Variants in CLIP2 observed in about 807,000 individuals in gnomAD.
CLIP2 encodes CAP-Gly domain containing linker protein 2, also known as CAP-Gly domain-containing linker protein 2.
Under a neutral mutation model 111.7 loss-of-function variants are expected in CLIP2, and 41 were observed. The ratio of observed to expected loss-of-function variants is 0.37; its 90% CI spans 0.29 to 0.48. The LOEUF (loss-of-function observed/expected upper bound fraction) is 0.48, where lower values mean the gene tolerates loss of function less well. Ranked by LOEUF, CLIP2 falls within the 20% of genes least tolerant of loss-of-function variation. The pLI is 0.99. For synonymous variants in CLIP2, 660 were observed against 644.2 expected, an observed-to-expected ratio of 1.02 and a Z score of -0.37; for missense variants, 1,160 against 1,422.1, an observed-to-expected ratio of 0.82 and a Z score of 2.96.
chr7:74,314,179 CAAAAAAA>C (rs35306275), intron 1 of CLIP2, among the ~76,000 whole-genome samples: 42 of 123,130 alleles, frequency 3.4e-4, no homozygotes, highest in African/African-American at 1.3e-3. Flanking sequence ...GACTCTGTCT[CAAAAAAA>C]AAAAAAAAAA....
At chr7:74,349,863 C>A (rs111356061) in intron 3 of CLIP2, among the ~76,000 whole-genome samples, 100 of 151,866 alleles carry the variant, frequency 6.6e-4, no homozygotes, top group African/African-American at 2.2e-3. Flanking sequence ...GATCCACCTG[C>A]GTCGGCCTCC....
chr7:74,341,177 TTTTG>T (rs749867023), intron 3 of CLIP2, among the ~76,000 whole-genome samples: 13 of 151,636 alleles, frequency 8.6e-5, no homozygotes, highest in African/African-American at 1.5e-4. Flanking sequence ...TCAGGGAAGT[TTTTG>T]TTTGTTTGTT....
intron 8 of CLIP2, among the ~76,000 whole-genome samples, chr7:74,367,241 A>T (rs534877616): frequency 5.3e-5 from 8 of 151,664 alleles, no homozygotes; most frequent in African/African-American, 1.9e-4. Flanking sequence ...CCCAGGCTGG[A>T]GTGCAGTGGC....
At chr7:74,400,339 A>G in intron 14 of CLIP2, 31 bp from the exon 15 acceptor site, 2 of 1,574,496 alleles carry the variant, frequency 1.3e-6, no homozygotes, top group South Asian at 1.2e-5. Context: ...ACGCACACTC[A>G]TGTACTCTTC....
At position 74,314,818 on chromosome 7, in the gene CLIP2, G is replaced by A. The variant is rs528699079; in HGVS notation, c.-67-2662G>A. Among the ~76,000 whole-genome samples the A allele has an allele frequency of 5.9e-5, 9 of 152,308 alleles. No homozygotes were observed. The South Asian group carries it at 1.9e-3, about 32-fold the overall frequency. ...TATAGGATAGTGGGGAAGAGGCCTG[G>A]GGGTGGGGGGCTTGTCCACCCCTCC... On this transcript the variant is annotated intron_variant, in intron 1 of 16. Coordinates refer to ENST00000223398, the MANE Select transcript of CLIP2 (RefSeq NM_003388.5).
At chr7:74,396,951 C>T (rs976632841) in intron 13 of CLIP2, 123 bp from the exon 14 acceptor site, 1 of 1,234,774 alleles carries the variant, frequency 8.1e-7, no homozygotes, top group Non-Finnish European at 1.1e-6. Context: ...GGCACAGATG[C>T]CATCTAGTAG....
intron 12 of CLIP2, 91 bp downstream of exon 12, chr7:74,386,695 T>G: frequency 2.0e-6 from 2 of 987,400 alleles, no homozygotes; most frequent in Admixed American, 3.0e-5. Flanking sequence ...GGTCAGGGCC[T>G]GGCTTAGGGT....
At chr7:74,386,179 C>A (rs1791093285) in intron 11 of CLIP2, among the ~76,000 whole-genome samples, 1 of 151,988 alleles carries the variant, frequency 6.6e-6, no homozygotes, top group East Asian at 1.9e-4. Context: ...TCCCGAGTAG[C>A]TGGGATTACA....
intron 7 of CLIP2, among the ~76,000 whole-genome samples, chr7:74,362,566 C>T (rs1483700580): frequency 3.2e-5 from 4 of 126,120 alleles, no homozygotes; most frequent in African/African-American, 3.1e-5. Context: ...GACAGAGTCT[C>T]GCTCTGTCAC....
At chr7:74,401,883 T>C (rs1791630038) in intron 16 of CLIP2, among the ~76,000 whole-genome samples, 1 of 151,982 alleles carries the variant, frequency 6.6e-6, no homozygotes, top group Non-Finnish European at 1.5e-5. Context: ...CTGGCCAATA[T>C]GGTAAAACTC....
At chr7:74,386,945 C>T (rs1473661298) in intron 12 of CLIP2, among the ~76,000 whole-genome samples, 2 of 150,626 alleles carry the variant, frequency 1.3e-5, no homozygotes, top group Non-Finnish European at 2.9e-5. Context: ...ATCGCTTGAA[C>T]CTGGAAGGCA....
In CLIP2 at chr7:74,336,045, C is replaced by CTTCTTTTCTCTTTT. The variant is rs568225101; in HGVS notation, c.122-2393_122-2380dup. Among the ~76,000 whole-genome samples the CTTCTTTTCTCTTTT allele has an allele frequency of 1.2e-4, 18 of 151,468 alleles. No individual in the cohort carries two copies. The South Asian group carries it at 3.6e-3, about 30-fold the overall frequency. ...GCGTAAGCCACTGCGCCTGGCCTCT[C>CTTCTTTTCTCTTTT]TTCTTTTCTCTTTTTTCTTTTCTAT... On this transcript the variant is annotated intron_variant, in intron 2 of 16. Coordinates refer to ENST00000223398, the MANE Select transcript of CLIP2 (RefSeq NM_003388.5).
At chr7:74,290,515 G>T (rs1239601507) in intron 1 of CLIP2, among the ~76,000 whole-genome samples, 1 of 152,246 alleles carries the variant, frequency 6.6e-6, no homozygotes, top group Non-Finnish European at 1.5e-5. Context: ...CTGCCACGCA[G>T]GCCCCAGCCC....
Position 74,343,318 on chromosome 7 carries a change from C to T in CLIP2, c.678+4314C>T, listed in dbSNP as rs540400378. 6.5e-3 allele frequency among the ~76,000 whole-genome samples: 988 copies of T among 152,226 alleles called. 7 individuals are homozygous for T. Among genetic ancestry groups the T allele is most frequent in the Non-Finnish European group, 7.2e-3 (491 of 68,006 alleles). ...TTGGGACCGTCACTCTGCTCTTCCT[C>T]CTGTGGCTCCCAGGAAAGCCAACCC... is the stretch of plus-strand genomic sequence containing the variant. On this transcript the variant is annotated intron_variant, in intron 3 of 16. Coordinates refer to ENST00000223398, the MANE Select transcript of CLIP2 (RefSeq NM_003388.5).
intron 1 of CLIP2, among the ~76,000 whole-genome samples, chr7:74,306,886 G>T (rs921295269): frequency 1.3e-5 from 2 of 152,154 alleles, no homozygotes; most frequent in African/African-American, 2.4e-5. Flanking sequence ...ACAGCCACTC[G>T]GAGAAAGTCT....
At position 74,356,522 on chromosome 7, in the gene CLIP2, A is replaced by C; in HGVS notation, c.916A>C (p.Met306Leu). The change falls in exon 5 of 17, where the codon ATG (methionine) becomes CTG (leucine). Residue 306 changes from methionine to leucine, a missense_variant. Around this residue, in one of 5 missense-constraint regions of CLIP2, gnomAD observed 110 missense variants for 185.2 expected, o/e 0.59. Coordinates refer to ENST00000223398, the MANE Select transcript of CLIP2 (RefSeq NM_003388.5). ...AKAKKTKRMA[M>L]GVSALTHSPS... is the part of the protein sequence containing the mutation. ...GGCCAAGAAGACCAAGCGTATGGCCATGGGTGTGTCAGCACTGACCCACAG... is the reference window on the plus strand; with the variant it reads ...GGCCAAGAAGACCAAGCGTATGGCCCTGGGTGTGTCAGCACTGACCCACAG... 1 of 1,614,220 alleles carries C rather than the reference A, an allele frequency of 6.2e-7. No individual in the cohort carries two copies. Among genetic ancestry groups the C allele is most frequent in the South Asian group, 1.1e-5 (1 of 91,084 alleles).
rs781953392 is a variant in CLIP2, at chr7:74,375,857, G to A, written c.1486-30G>A. The A allele has an allele frequency of 2.4e-5, 35 of 1,468,754 alleles. 1 individual carries two copies. In the Admixed American group the frequency reaches 2.9e-4, roughly 12 times the overall value. The allele number at this position is 1,468,754 out of a possible 1,614,324, so 91.0% of individuals were successfully genotyped here. ...TACCTTCCAGCCAGCCAGCCAGCCC[G>A]CTGATCCCTGTCTCCCTCTCTCCCC... On this transcript the variant is annotated intron_variant, in intron 9 of 16. Coordinates refer to ENST00000223398, the MANE Select transcript of CLIP2 (RefSeq NM_003388.5).
intron 2 of CLIP2, among the ~76,000 whole-genome samples, chr7:74,336,150 C>T (rs1789449960): frequency 6.6e-6 from 1 of 151,990 alleles, no homozygotes; most frequent in Non-Finnish European, 1.5e-5. Flanking sequence ...TCACTGCAAC[C>T]TCCGCCTCCT....
intron 1 of CLIP2, among the ~76,000 whole-genome samples, chr7:74,302,352 A>G (rs1416127075): frequency 2.0e-5 from 3 of 151,924 alleles, no homozygotes; most frequent in African/African-American, 7.3e-5. Flanking sequence ...AGTAGCAGGG[A>G]TTACAGGCGC....
Sources: allele counts gnomAD v4.1 joint callset (sites outside exome capture counted in the v4.1 genomes callset), GRCh38; gene constraint gnomAD v4.1.1; regional missense constraint gnomAD v4.1.1; transcripts MANE v1.5; gene names NCBI Gene and HGNC (gene_info 2026-07-23, HGNC 2026-07-21).